Variants in ELMO1 observed in about 807,000 individuals in gnomAD.
ELMO1 encodes the protein engulfment and cell motility 1.
A neutral mutation model predicts 98.9 loss-of-function variants in ELMO1; 26 were observed. That is an observed-to-expected ratio of 0.26 (90% CI 0.19 to 0.36). The LOEUF (loss-of-function observed/expected upper bound fraction) is 0.36. Among genes scored for constraint, ELMO1 ranks in the 10% least tolerant of loss-of-function variants. ELMO1 has a pLI of 1.00. For missense variants in ELMO1, 627 were observed against 935.2 expected (o/e 0.67, Z 4.30); for synonymous variants, 346 against 346.0 (o/e 1.00, Z 0.00).
In ELMO1 at chr7:37,342,561, C is replaced by T. The variant is rs189315463; in HGVS notation, c.78+52G>A. ...AGCTATCCAAAGTCTATGAAAATTC[C>T]AGTATAGAAAGGAAACTGAAAATAG... On this transcript the variant is annotated intron_variant, in intron 2 of 21. Transcript: ENST00000310758. The surrounding 1 kb of genome is among the most constrained non-coding windows in gnomAD (Gnocchi z 4.3). The T allele has an allele frequency of 1.4e-4, 217 of 1,557,448 alleles. 1 individual carries two copies. In the Middle Eastern group the frequency reaches 3.0e-3, roughly 22 times the overall value.
At chr7:36,982,324 A>C (rs1791135107) in intron 16 of ELMO1, among the ~76,000 whole-genome samples, 1 of 152,232 alleles carries the variant, frequency 6.6e-6, no homozygotes, top group South Asian at 2.1e-4. Flanking sequence ...ATTCAATGTA[A>C]ATATTTTGTT....
chr7:37,344,175 A>G (rs1800872284), intron 1 of ELMO1, among the ~76,000 whole-genome samples: 1 of 151,372 alleles, frequency 6.6e-6, no homozygotes, highest in Non-Finnish European at 1.5e-5. Flanking sequence ...GGGATTACAG[A>G]CGCACACCAC....
chr7:37,420,577 G>A (rs940150853), intron 1 of ELMO1, among the ~76,000 whole-genome samples: 17 of 152,284 alleles, frequency 1.1e-4, no homozygotes, highest in Admixed American at 3.3e-4. Flanking sequence ...CCTTTCCTGC[G>A]TGTGCCACAG....
At chr7:36,918,166 GC>G (rs1784856015) in intron 16 of ELMO1, among the ~76,000 whole-genome samples, 1 of 152,026 alleles carries the variant, frequency 6.6e-6, no homozygotes. Flanking sequence ...GTCTTGCATG[GC>G]CTTAGGGTGA....
chr7:37,170,674 G>A (rs1481192878), intron 13 of ELMO1, among the ~76,000 whole-genome samples: 1 of 146,290 alleles, frequency 6.8e-6, no homozygotes, highest in Non-Finnish European at 1.5e-5. Flanking sequence ...CAGCAGCGCT[G>A]TCTCAGCTCA....
At chr7:37,184,556 G>A (rs1791083201) in intron 13 of ELMO1, among the ~76,000 whole-genome samples, 2 of 152,180 alleles carry the variant, frequency 1.3e-5, no homozygotes, top group African/African-American at 4.8e-5. Flanking sequence ...ATTATTGCAA[G>A]CCAAGGATTA....
intron 20 of ELMO1, 24 bp from the exon 21 acceptor site, chr7:36,861,760 C>T: frequency 1.9e-6 from 3 of 1,608,818 alleles, no homozygotes; most frequent in African/African-American, 2.7e-5. Flanking sequence ...GAGAAAACAG[C>T]ACCTTAAGGA....
At chr7:37,134,531 C>G (rs1787137489) in intron 13 of ELMO1, among the ~76,000 whole-genome samples, 1 of 149,448 alleles carries the variant, frequency 6.7e-6, no homozygotes, top group Non-Finnish European at 1.5e-5. Context: ...TGCACTCCAG[C>G]CTGGGCAACA....
At chr7:37,191,114 G>A (rs1461090611) in intron 13 of ELMO1, among the ~76,000 whole-genome samples, 6 of 150,892 alleles carry the variant, frequency 4.0e-5, no homozygotes, top group East Asian at 2.0e-4. Context: ...GCATGAACTC[G>A]GGAGGTGGAG....
chr7:36,891,674 C>CA (rs1349195466), intron 17 of ELMO1, among the ~76,000 whole-genome samples: 2 of 152,210 alleles, frequency 1.3e-5, no homozygotes, highest in Non-Finnish European at 2.9e-5. Context: ...ATGCATGACT[C>CA]TGTCAAATCC....
chr7:37,371,047 T>C (rs2131355993), intron 1 of ELMO1, among the ~76,000 whole-genome samples: 1 of 152,206 alleles, frequency 6.6e-6, no homozygotes, highest in East Asian at 1.9e-4. Flanking sequence ...AACTGTCCCA[T>C]ATTCATAAAA....
chr7:37,427,525 C>T (rs753820744), intron 1 of ELMO1, among the ~76,000 whole-genome samples: 6 of 152,168 alleles, frequency 3.9e-5, no homozygotes, highest in Admixed American at 2.6e-4. Flanking sequence ...TGGCTGAAAA[C>T]CTATAAAAAT....
intron 5 of ELMO1, chr7:37,270,881 TCACACACACACACACACACACAGACA>T (rs1215858994): frequency 1.4e-5 from 2 of 146,138 alleles, no homozygotes; most frequent in South Asian, 4.3e-4. Flanking sequence ...TCTCTCTCTC[TCACACACACACACACACACACAGACA>T]CACACACACA....
chr7:37,171,483 ATTTTTTTTTTTT>A (rs71780142), intron 13 of ELMO1, among the ~76,000 whole-genome samples: 6 of 82,944 alleles, frequency 7.2e-5, no homozygotes, highest in South Asian at 5.1e-4. Context: ...AGGCCTTTCT[ATTTTTTTTTTTT>A]TTTTTTTTTT....
intron 18 of ELMO1, among the ~76,000 whole-genome samples, chr7:36,882,380 T>C (rs1247045430): frequency 6.6e-6 from 1 of 152,176 alleles, no homozygotes; most frequent in Non-Finnish European, 1.5e-5. Flanking sequence ...TAAAGGGAAA[T>C]GTCATCTTTC....
At chr7:37,336,545 G>C (rs1037690606) in intron 2 of ELMO1, among the ~76,000 whole-genome samples, 1 of 152,156 alleles carries the variant, frequency 6.6e-6, no homozygotes, top group African/African-American at 2.4e-5. Context: ...ACACAGACCA[G>C]AGGGCTTAGC....
chr7:37,262,277 C>A (rs759480), intron 5 of ELMO1, among the ~76,000 whole-genome samples: 48,374 of 151,972 alleles, frequency 0.32, 7,795 homozygotes, highest in Middle Eastern at 0.42. Flanking sequence ...TCCCAAATCC[C>A]ACAACTGCTC....
intron 16 of ELMO1, among the ~76,000 whole-genome samples, chr7:36,908,359 T>C (rs945079229): frequency 4.6e-5 from 7 of 152,228 alleles, no homozygotes; most frequent in African/African-American, 1.7e-4. Context: ...CTGACTATAA[T>C]CAATGTCTAA....
At chr7:37,407,843 A>G (rs1256238700) in intron 1 of ELMO1, among the ~76,000 whole-genome samples, 1 of 152,210 alleles carries the variant, frequency 6.6e-6, no homozygotes, top group Non-Finnish European at 1.5e-5. Context: ...ATAATGTATC[A>G]ATATTGGCTC....
Sources: allele counts gnomAD v4.1 joint callset (sites outside exome capture counted in the v4.1 genomes callset), GRCh38; gene constraint gnomAD v4.1.1; non-coding constraint Gnocchi (gnomAD v3.1); transcripts MANE v1.5; gene names NCBI Gene and HGNC (gene_info 2026-07-23, HGNC 2026-07-21).